DNM1L: variants seen among roughly 807,000 people sequenced by gnomAD.
DNM1L encodes the protein dynamin-1-like protein.
DNM1L carries 33 observed loss-of-function variants against 92.8 expected under a neutral mutation model. The observed-to-expected ratio is 0.36, with a 90% CI of 0.27 to 0.48. DNM1L has a LOEUF of 0.48. DNM1L is among the 20% of genes least tolerant of loss of function. DNM1L has a pLI of 0.99. For synonymous variants in DNM1L, 284 were observed against 305.0 expected (o/e 0.93, Z 0.72); for missense variants, 485 against 888.8 (o/e 0.55, Z 5.78).
At position 32,699,805 on chromosome 12, in the gene DNM1L, A is replaced by G. The variant is rs868545107; in HGVS notation, c.103-1610A>G. Among the ~76,000 whole-genome samples, 1,483 of 150,918 alleles carry G rather than the reference A, an allele frequency of 9.8e-3. 40 individuals carry two copies. Among genetic ancestry groups the G allele is most frequent in the African/African-American group, 0.033 (1,351 of 41,056 alleles). ...GAGCAAGACTCCATCTCAAAAAAAA[A>G]AAAAAAAAAAAAAAGCAATGATGTT... On this transcript the variant is annotated intron_variant, in intron 1 of 19. Coordinates refer to ENST00000549701, the MANE Select transcript of DNM1L (RefSeq NM_012062.5).
At position 32,686,941 on chromosome 12, in the gene DNM1L, T is replaced by C. The variant is rs577356509; in HGVS notation, c.102+7476T>C. 2.4e-3 allele frequency among the ~76,000 whole-genome samples: 324 copies of C among 137,236 alleles called. 1 individual carries two copies. The highest frequency in any genetic ancestry group is 5.1e-3 in the Admixed American group (73 of 14,228). The allele number at this position is 137,236 out of a possible 152,430, so 90.0% of individuals were successfully genotyped here. A position where few individuals can be genotyped will look rare whatever the true frequency, so the allele number is the denominator to read the frequency against. ...GTTGTAAGAGTTCTTTTTTTTCTTT[T>C]TTTTTTTTTTTTTTTGAGATGGAGT... On this transcript the variant is annotated intron_variant, in intron 1 of 19. Transcript: ENST00000549701.
In DNM1L at chr12:32,710,788, T is replaced by G. The variant is rs1953096590; in HGVS notation, c.370-141T>G. On this transcript the variant is annotated intron_variant, in intron 4 of 19. Coordinates refer to ENST00000549701, the MANE Select transcript of DNM1L (RefSeq NM_012062.5). ...GCTACCTGACTTCCCATGTGTTTCA[T>G]CAGGTTTTGATTGTTAAAAAAAAGT... 4.2e-5 allele frequency: 28 copies of G among 662,366 alleles called. 1 individual carries two copies. In the South Asian group the frequency reaches 5.6e-4, roughly 13 times the overall value. 41.0% of individuals were successfully genotyped at this position (662,366 alleles called of 1,614,324 possible).
rs1490744298 is a variant in DNM1L at position 32,712,441 on chromosome 12, C to T, written c.457-768C>T. Reference sequence around the variant, plus strand: ...AGTGTCAGTTGTCTCAGTGAAGTTTCCCTGATTACTCTATTTAAAAACATA... The same window carrying T: ...AGTGTCAGTTGTCTCAGTGAAGTTTTCCTGATTACTCTATTTAAAAACATA... On this transcript the variant is annotated intron_variant, in intron 5 of 19. Transcript: ENST00000549701. Among the ~76,000 whole-genome samples the T allele has an allele frequency of 2.0e-5, 3 of 151,918 alleles. No individual in the cohort carries two copies. In the East Asian group the frequency reaches 5.8e-4, roughly 29 times the overall value.
chr12:32,738,069 T>A, intron 15 of DNM1L, 127 bp downstream of exon 15: 1 of 1,112,552 alleles, frequency 9.0e-7, no homozygotes, highest in South Asian at 1.4e-5. Flanking sequence ...ATCACTTTAG[T>A]CTAATATATA....
chr12:32,726,646 G>T, intron 9 of DNM1L: 1 of 792,214 alleles, frequency 1.3e-6, no homozygotes, highest in Non-Finnish European at 2.1e-6. Flanking sequence ...ACTTCAGGAG[G>T]GGCAAGAAAA....
At chr12:32,717,995 GTATATATAATATATATAGTA>G (rs1953602660) in intron 6 of DNM1L, among the ~76,000 whole-genome samples, 1 of 110,054 alleles carries the variant, frequency 9.1e-6, no homozygotes, top group Non-Finnish European at 1.7e-5. Context: ...AGTATGTATA[GTATATATAATATATATAGTA>G]TATATATTAT....
chr12:32,681,859 G>A (rs1408395753), intron 1 of DNM1L, among the ~76,000 whole-genome samples: 1 of 151,868 alleles, frequency 6.6e-6, no homozygotes, highest in Non-Finnish European at 1.5e-5. Flanking sequence ...AATTAGCCAG[G>A]TGCTATGGTG....
Position 32,743,413 on chromosome 12 carries a change from A to G in DNM1L, c.*3A>G. ...TCCGGGAGACTCATCTTTGGTGAAG[A>G]GAACTATGTAATACTGAGACTTTGT... On this transcript the variant is annotated 3_prime_UTR_variant, in exon 20 of 20. Coordinates refer to ENST00000549701, the MANE Select transcript of DNM1L (RefSeq NM_012062.5). 4 of 1,612,528 alleles carry G rather than the reference A, an allele frequency of 2.5e-6. No homozygotes were observed. Among genetic ancestry groups the G allele is most frequent in the Non-Finnish European group, 3.4e-6 (4 of 1,179,926 alleles).
At position 32,743,599 on chromosome 12, in the gene DNM1L, T is replaced by C. The variant is rs995446874; in HGVS notation, c.*189T>C. ...TCACACATTTAATCCAAATAATAAA[T>C]GGCTGTTTCTAAAGTTTCCCAGTAT... On this transcript the variant is annotated 3_prime_UTR_variant, in exon 20 of 20. Transcript: ENST00000549701. 1.7e-6 allele frequency: 1 copy of C among 593,152 alleles called. No homozygotes were observed. Among genetic ancestry groups the C allele is most frequent in the Non-Finnish European group, 3.0e-6 (1 of 335,374 alleles). 36.7% of individuals were successfully genotyped at this position (593,152 alleles called of 1,614,324 possible).
intron 14 of DNM1L, 106 bp from the exon 15 acceptor site, chr12:32,737,759 T>C: frequency 2.4e-6 from 2 of 842,576 alleles, no homozygotes; most frequent in Non-Finnish European, 4.0e-6. Flanking sequence ...ATCTTTCATG[T>C]TATTTTACGA....
intron 6 of DNM1L, among the ~76,000 whole-genome samples, chr12:32,716,242 T>TG (rs139854269): frequency 0.27 from 39,819 of 147,672 alleles, 5,637 homozygotes; most frequent in African/African-American, 0.37. Context: ...GAAAATTTGG[T>TG]GGGGGGGGGT....
At chr12:32,683,239 A>AT (rs903240513) in intron 1 of DNM1L, among the ~76,000 whole-genome samples, 3 of 152,052 alleles carry the variant, frequency 2.0e-5, no homozygotes, top group African/African-American at 4.8e-5. Flanking sequence ...TTTTATTTTT[A>AT]TTTTTTTAGG....
chr12:32,739,822 A>C (rs1955156636), intron 16 of DNM1L: 1 of 503,062 alleles, frequency 2.0e-6, no homozygotes, highest in Non-Finnish European at 3.5e-6. Context: ...AAAAGGAATT[A>C]AATAGAACAT....
chr12:32,687,151 T>C (rs1592564684), intron 1 of DNM1L, among the ~76,000 whole-genome samples: 1 of 149,236 alleles, frequency 6.7e-6, no homozygotes, highest in Admixed American at 6.7e-5. Flanking sequence ...GGCTAATTTA[T>C]CTTTTTTTTT....
intron 2 of DNM1L, among the ~76,000 whole-genome samples, chr12:32,702,548 C>A (rs1952757283): frequency 6.6e-6 from 1 of 152,136 alleles, no homozygotes; most frequent in Non-Finnish European, 1.5e-5. Flanking sequence ...CTGCAGAGAT[C>A]TGTTTTCAAT....
chr12:32,683,429 G>C (rs1951879751), intron 1 of DNM1L, among the ~76,000 whole-genome samples: 1 of 151,716 alleles, frequency 6.6e-6, no homozygotes, highest in South Asian at 2.1e-4. Context: ...TGTTGCCAAG[G>C]CTGGTCTCAA....
chr12:32,689,990 A>G (rs1329709905), intron 1 of DNM1L, among the ~76,000 whole-genome samples: 4 of 152,234 alleles, frequency 2.6e-5, no homozygotes, highest in African/African-American at 4.8e-5. Flanking sequence ...TTGTGGAGAA[A>G]AAAATCTGAA....
intron 8 of DNM1L, among the ~76,000 whole-genome samples, chr12:32,721,079 C>T (rs191380906): frequency 1.7e-3 from 260 of 152,326 alleles, no homozygotes; most frequent in Non-Finnish European, 2.7e-3. Flanking sequence ...GAGATGACTT[C>T]ATTTCCACTT....
In DNM1L at chr12:32,742,650, C is replaced by G; in HGVS notation, c.2056C>G (p.Leu686Val). 6.2e-7 allele frequency: 1 copy of G among 1,614,058 alleles called. No individual in the cohort carries two copies. The highest frequency in any genetic ancestry group is 8.5e-7 in the Non-Finnish European group (1 of 1,180,012). ...TGTGAAAGACACTCTTCAGAGTGAG[C>G]TAGTAGGCCAGCTGTATAAATCATC... Reference protein sequence around the residue: ...NHVKDTLQSELVGQLYKSSLL... With the variant: ...NHVKDTLQSEVVGQLYKSSLL... The change falls in exon 19 of 20, where the codon CTA becomes GTA. Residue 686 changes from leucine to valine, a missense_variant. Leu to Val is a conservative substitution (Grantham distance 32). Around this residue, in one of 11 missense-constraint regions of DNM1L, gnomAD observed 133 missense variants for 210.9 expected, o/e 0.63. Transcript: ENST00000549701.
Sources: gnomAD v4.1 joint callset for allele counts (sites outside exome capture counted in the v4.1 genomes callset) on GRCh38, gnomAD v4.1.1 for gene constraint, gnomAD v4.1.1 regional missense constraint, MANE v1.5 for transcripts, NCBI Gene and HGNC (gene_info 2026-07-23, HGNC 2026-07-21) for gene names.